TAF6L: variants seen among roughly 807,000 people sequenced by gnomAD.
TAF6L encodes the protein TATA-box binding protein associated factor 6 like.
Under a neutral mutation model 57.3 loss-of-function variants are expected in TAF6L, and 34 were observed. The observed-to-expected ratio is 0.59, with a 90% CI of 0.45 to 0.79. The LOEUF (loss-of-function observed/expected upper bound fraction) is 0.79, where lower values mean the gene tolerates loss of function less well. TAF6L is among the 30% of genes least tolerant of loss of function. The probability of loss-of-function intolerance (pLI) is 0.00; values close to 1 mark genes in which losing one functional copy is unlikely to be tolerated. For missense variants in TAF6L, 782 were observed against 853.2 expected, an observed-to-expected ratio of 0.92 and a Z score of 1.04; for synonymous variants, 417 against 376.3, an observed-to-expected ratio of 1.11 and a Z score of -1.25.
chr11:62,779,881 G>C (rs1190584051), intron 6 of TAF6L, among the ~76,000 whole-genome samples: 2 of 142,894 alleles, frequency 1.4e-5, no homozygotes, highest in Non-Finnish European at 3.0e-5. Context: ...GGCCAGGCTG[G>C]TCTCAAACTC....
At chr11:62,782,963 A>C in intron 9 of TAF6L, 138 bp downstream of exon 9, 2 of 1,293,512 alleles carry the variant, frequency 1.5e-6, no homozygotes, top group Non-Finnish European at 2.1e-6. Context: ...GGCCAGGCTC[A>C]GTGATACTTG....
At chr11:62,782,958 G>GA in intron 9 of TAF6L, 133 bp downstream of exon 9, 1 of 1,333,038 alleles carries the variant, frequency 7.5e-7, no homozygotes, top group Non-Finnish European at 1.0e-6. Context: ...CCTTAGGCCA[G>GA]GCTCAGTGAT....
At chr11:62,784,028 G>T (rs1183041572) in intron 9 of TAF6L, among the ~76,000 whole-genome samples, 1 of 934 alleles carries the variant, frequency 1.1e-3, no homozygotes, top group African/African-American at 3.3e-3. Flanking sequence ...TCACACTGTC[G>T]CCCGGGCTGG....
chr11:62,776,250 A>C, intron 2 of TAF6L, 134 bp from the exon 3 acceptor site: 1 of 870,196 alleles, frequency 1.1e-6, no homozygotes, highest in South Asian at 1.6e-5. Context: ...AGGAGCAGAG[A>C]CGGAATCTAG....
chr11:62,776,786 G>T (rs990691042), intron 3 of TAF6L, among the ~76,000 whole-genome samples: 1 of 151,228 alleles, frequency 6.6e-6, no homozygotes, highest in African/African-American at 2.4e-5. Context: ...AGCAGGCAGA[G>T]GTTGTGGTGA....
At chr11:62,779,976 A>ATATATATATATTTTTTTTTT (rs1294367864) in intron 6 of TAF6L, among the ~76,000 whole-genome samples, 1 of 52,622 alleles carries the variant, frequency 1.9e-5, no homozygotes. Context: ...ATATATATAT[A>ATATATATATATTTTTTTTTT]TTTTTTTTTT....
chr11:62,779,972 ATATATT>A (rs1049198024), intron 6 of TAF6L, among the ~76,000 whole-genome samples: 9 of 61,480 alleles, frequency 1.5e-4, no homozygotes, highest in African/African-American at 3.9e-4. Context: ...ATATATATAT[ATATATT>A]TTTTTTTTTT....
chr11:62,784,007 G>GAGA (rs2084250322), intron 9 of TAF6L, among the ~76,000 whole-genome samples: 1 of 594 alleles, frequency 1.7e-3, no homozygotes, highest in Admixed American at 0.015. Context: ...TCCAGCCCGG[G>GAGA]CGACAGAGTC....
rs762355096 is a variant in TAF6L, at chr11:62,786,644, C to T, written c.1217C>T (p.Ser406Phe). The change falls in exon 11 of 11, where the codon TCC becomes TTC. Residue 406 changes from serine to phenylalanine, a missense_variant. By Grantham distance (155) the Ser-to-Phe change is radical. Around this residue, in one of 3 missense-constraint regions of TAF6L, gnomAD observed 483 missense variants for 445.1 expected, o/e 1.09. Transcript: ENST00000294168. ...GACAGCCTTCTCTTTCAAGAGTCGT[C>T]CTCCGGGGGCGGTGCAGAACCCAGC... ...PWDSLLFQES[S>F]SGGGAEPSFG... The T allele has an allele frequency of 4.4e-6, 7 of 1,603,644 alleles. No individual in the cohort carries two copies. Among genetic ancestry groups the T allele is most frequent in the African/African-American group, 2.7e-5 (2 of 74,424 alleles).
chr11:62,784,406 G>A lies in TAF6L; in HGVS notation c.960+1581G>A, dbSNP rs566909528. Among the ~76,000 whole-genome samples the A allele has an allele frequency of 2.7e-5, 4 of 150,746 alleles. No individual in the cohort carries two copies. The East Asian group carries it at 7.9e-4, about 30-fold the overall frequency. The stretch of plus-strand genomic sequence containing the variant: ...TGCAACCTCCGCCTCCCGGGTTCAC[G>A]CCATTCTCCTGCCTCAGCCTCCCGA... On this transcript the variant is annotated intron_variant, in intron 9 of 10. Transcript: ENST00000294168.
rs746524488 is a variant in TAF6L, at chr11:62,787,156, C to T, written c.1729C>T (p.Leu577Phe). 96 of 1,577,754 alleles carry T rather than the reference C, an allele frequency of 6.1e-5. No individual in the cohort carries two copies. Among genetic ancestry groups the T allele is most frequent in the Non-Finnish European group, 7.2e-5 (84 of 1,171,342 alleles). ...GGCTGGGAGGCGCTGCCGCGGGCGC[C>T]TTTTCCAGACTGCCTTCCCCGCGCC... ...RQAGRRCRGRLFQTAFPAPYG... is the reference protein window; with the variant it reads ...RQAGRRCRGRFFQTAFPAPYG... Residue 577 changes from leucine to phenylalanine, a missense_variant, in exon 11 of 11, where the codon CTT (leucine) becomes TTT (phenylalanine). Physicochemically the swap from Leu to Phe is conservative, Grantham distance 22. Transcript: ENST00000294168.
At chr11:62,779,567 C>A (rs992473357) in intron 6 of TAF6L, among the ~76,000 whole-genome samples, 2 of 152,104 alleles carry the variant, frequency 1.3e-5, no homozygotes, top group Non-Finnish European at 2.9e-5. Context: ...CTCAGGTGAT[C>A]CACCCGCCTT....
At chr11:62,774,449 C>T (rs1027546572) in intron 1 of TAF6L, 1 of 389,438 alleles carries the variant, frequency 2.6e-6, no homozygotes, top group Non-Finnish European at 5.2e-6. Context: ...CATAGCTGTC[C>T]ATTGGATGTA....
chr11:62,773,509 G>A (rs2084164699), intron 1 of TAF6L, among the ~76,000 whole-genome samples: 1 of 149,926 alleles, frequency 6.7e-6, no homozygotes, highest in South Asian at 2.1e-4. Flanking sequence ...GTGCACTGGT[G>A]CGATCTTGAC....
In TAF6L at chr11:62,787,022, GGGCAC is replaced by G; in HGVS notation, c.1596_1600del (p.Ala533ProfsTer55). The G allele has an allele frequency of 6.7e-7, 1 of 1,498,734 alleles. No homozygotes were observed. The highest frequency in any genetic ancestry group is 8.8e-7 in the Non-Finnish European group (1 of 1,132,490). 92.8% of individuals were successfully genotyped at this position (1,498,734 alleles called of 1,614,324 possible). A position where few individuals can be genotyped will look rare whatever the true frequency, so the allele number is the denominator to read the frequency against. ...TTGCCGCGCGTGCATCGGGCGCGCG[GGGCAC>G]CCCGGCAGCAGGGCCCCGGGACCGG... On this transcript the variant is annotated frameshift_variant, in exon 11 of 11. Coordinates refer to ENST00000294168, the MANE Select transcript of TAF6L (RefSeq NM_006473.4). LOFTEE classifies it high-confidence loss of function.
chr11:62,785,260 C>T (rs535375478), intron 9 of TAF6L, among the ~76,000 whole-genome samples: 1 of 151,896 alleles, frequency 6.6e-6, no homozygotes, highest in South Asian at 2.1e-4. Flanking sequence ...GGCGCGACCT[C>T]GGCTCACTGC....
chr11:62,785,644 C>T (rs1325812338), intron 9 of TAF6L, among the ~76,000 whole-genome samples: 1 of 151,812 alleles, frequency 6.6e-6, no homozygotes, highest in Admixed American at 6.6e-5. Flanking sequence ...AAGTGATTCT[C>T]CTGCCTCAGC....
At chr11:62,774,278 G>A (rs1178554112) in intron 1 of TAF6L, among the ~76,000 whole-genome samples, 18 of 152,020 alleles carry the variant, frequency 1.2e-4, no homozygotes, top group South Asian at 4.2e-4. Context: ...GGGTTTCACC[G>A]TGTTAACCAG....
chr11:62,781,762 G>C, intron 6 of TAF6L, 132 bp from the exon 7 acceptor site: 2 of 780,274 alleles, frequency 2.6e-6, no homozygotes, highest in Non-Finnish European at 4.4e-6. Flanking sequence ...AAATAGAATT[G>C]CTAGATCAAA....
Sources: allele counts gnomAD v4.1 joint callset (sites outside exome capture counted in the v4.1 genomes callset), GRCh38; gene constraint gnomAD v4.1.1; regional missense constraint gnomAD v4.1.1; transcripts MANE v1.5; gene names NCBI Gene and HGNC (gene_info 2026-07-23, HGNC 2026-07-21).